Variants in PIEZO2 observed in about 807,000 individuals in gnomAD.
PIEZO2 encodes the protein piezo type mechanosensitive ion channel component 2, also known as piezo-type mechanosensitive ion channel component 2.
PIEZO2 carries 172 observed loss-of-function variants against 337.3 expected under a neutral mutation model. The observed-to-expected ratio is 0.51, with a 90% CI of 0.45 to 0.58. The LOEUF (loss-of-function observed/expected upper bound fraction) is 0.58. Ranked by LOEUF, PIEZO2 falls within the 20% of genes least tolerant of loss-of-function variation. The pLI, the probability that PIEZO2 is intolerant of heterozygous loss-of-function variation, is 0.00. For synonymous variants in PIEZO2, 1,251 were observed against 1,228.5 expected (o/e 1.02, Z -0.38); for missense variants, 3,028 against 3,391.3 (o/e 0.89, Z 2.66).
intron 1 of PIEZO2, among the ~76,000 whole-genome samples, chr18:11,085,704 G>T (rs2038883763): frequency 1.3e-5 from 2 of 152,218 alleles, no homozygotes; most frequent in Middle Eastern, 3.4e-3. Context: ...TATTAAGGCT[G>T]CAATTTCCTA....
chr18:10,680,179 C>G lies in PIEZO2; in HGVS notation c.7952+20G>C. On this transcript the variant is annotated intron_variant, in intron 52 of 55. Transcript: ENST00000674853. ...AGACTGGGGAAAGGGATAAATTATA[C>G]ATGGAAATACAGTAACTACCTCTGA... 1 of 1,582,728 alleles carries G rather than the reference C, an allele frequency of 6.3e-7. No individual in the cohort carries two copies. Among genetic ancestry groups the G allele is most frequent in the Non-Finnish European group, 8.6e-7 (1 of 1,159,598 alleles).
chr18:10,766,677 C>A lies in PIEZO2; in HGVS notation c.2946+3471G>T, dbSNP rs1018364125. Among the ~76,000 whole-genome samples, 1 of 152,150 alleles carries A rather than the reference C, an allele frequency of 6.6e-6. No individual in the cohort carries two copies. The highest frequency in any genetic ancestry group is 2.4e-5 in the African/African-American group (1 of 41,426). On this transcript the variant is annotated intron_variant, in intron 21 of 55. Transcript: ENST00000674853. This position sits in a 1 kb window ranked among gnomAD's most constrained non-coding sequence, Gnocchi z 6.1. The stretch of plus-strand genomic sequence containing the variant: ...GCAACTATCACCTCCAGGCTGCAAC[C>A]GCCTGCAAGAGATACTCCTCCCTGT...
At chr18:11,010,400 A>G (rs2035854730) in intron 2 of PIEZO2, among the ~76,000 whole-genome samples, 2 of 152,278 alleles carry the variant, frequency 1.3e-5, no homozygotes, top group African/African-American at 4.8e-5. Flanking sequence ...AGTGTAACGC[A>G]CTGTACAAAA....
intron 1 of PIEZO2, among the ~76,000 whole-genome samples, chr18:11,072,832 C>CAGT (rs2145944744): frequency 6.6e-6 from 1 of 152,212 alleles, no homozygotes; most frequent in Admixed American, 6.5e-5. Flanking sequence ...GTCAAGGGCT[C>CAGT]AGTAAGGTCA....
intron 54 of PIEZO2, among the ~76,000 whole-genome samples, chr18:10,674,849 A>T (rs1180166578): frequency 1.3e-5 from 2 of 152,176 alleles, no homozygotes; most frequent in Admixed American, 1.3e-4. Flanking sequence ...CTATATTTTT[A>T]CTGTTCTTAT....
At chr18:10,910,095 TACAGAG>T (rs1242747288) in intron 4 of PIEZO2, among the ~76,000 whole-genome samples, 1 of 152,224 alleles carries the variant, frequency 6.6e-6, no homozygotes, top group Non-Finnish European at 1.5e-5. Flanking sequence ...GCTTCATCAA[TACAGAG>T]ACAAACACAT....
In PIEZO2 at chr18:10,767,168, G is replaced by A. The variant is rs912861407; in HGVS notation, c.2946+2980C>T. 2.0e-5 allele frequency among the ~76,000 whole-genome samples: 3 copies of A among 152,160 alleles called. No homozygotes were observed. Among genetic ancestry groups the A allele is most frequent in the Admixed American group, 2.0e-4 (3 of 15,276 alleles). On this transcript the variant is annotated intron_variant, in intron 21 of 55. Coordinates refer to ENST00000674853, the MANE Select transcript of PIEZO2 (RefSeq NM_001378183.1). This position sits in a 1 kb window ranked among gnomAD's most constrained non-coding sequence, Gnocchi z 4.2. ...TAGAAAGTAGCTGTGTATTTCAAAA[G>A]GAGGAGAAAATGTTTATGTATACTA...
chr18:10,711,812 T>A (rs4797471), intron 39 of PIEZO2, among the ~76,000 whole-genome samples: 44,064 of 149,412 alleles, frequency 0.29, 6,541 homozygotes, highest in East Asian at 0.4. Flanking sequence ...CAGTTGAATA[T>A]GATCATGACT....
At chr18:10,738,605 C>T (rs997277987) in intron 33 of PIEZO2, 15 of 152,194 alleles carry the variant, frequency 9.9e-5, no homozygotes, top group Admixed American at 9.8e-4. Flanking sequence ...CTCTTACACA[C>T]GTGTTTGTTA....
chr18:11,136,988 T>G (rs1417547318), intron 1 of PIEZO2, among the ~76,000 whole-genome samples: 5 of 152,228 alleles, frequency 3.3e-5, no homozygotes, highest in Non-Finnish European at 7.3e-5. Flanking sequence ...AAGGCATGTC[T>G]AGTAATAAGC....
chr18:10,805,136 G>A (rs2039957510), intron 8 of PIEZO2, among the ~76,000 whole-genome samples: 1 of 152,160 alleles, frequency 6.6e-6, no homozygotes, highest in South Asian at 2.1e-4. Flanking sequence ...GAGATGACAT[G>A]GGATATCCCA....
intron 4 of PIEZO2, among the ~76,000 whole-genome samples, chr18:10,907,497 T>C (rs2030062192): frequency 6.6e-6 from 1 of 151,646 alleles, no homozygotes; most frequent in South Asian, 2.1e-4. Flanking sequence ...ATGAAAGCAC[T>C]GTGAGAATGC....
intron 20 of PIEZO2, among the ~76,000 whole-genome samples, chr18:10,770,720 TCCCA>T (rs2038567794): frequency 1.3e-5 from 1 of 76,108 alleles, no homozygotes; most frequent in African/African-American, 5.2e-5. Context: ...TCTTTTTCCC[TCCCA>T]CCCTCCCTCC....
chr18:11,012,687 A>G (rs1197403957), intron 2 of PIEZO2, among the ~76,000 whole-genome samples: 2 of 152,330 alleles, frequency 1.3e-5, no homozygotes, highest in East Asian at 3.9e-4. Flanking sequence ...CTGTAAACCA[A>G]TGTAACAGTT....
At chr18:11,085,497 A>G (rs2038879253) in intron 1 of PIEZO2, among the ~76,000 whole-genome samples, 1 of 152,044 alleles carries the variant, frequency 6.6e-6, no homozygotes, top group Non-Finnish European at 1.5e-5. Flanking sequence ...CTCCAAGCCC[A>G]TTTGCTGACC....
At position 11,038,410 on chromosome 18, in the gene PIEZO2, T is replaced by C. The variant is rs991190963; in HGVS notation, c.160+27717A>G. Among the ~76,000 whole-genome samples, 1 of 152,176 alleles carries C rather than the reference T, an allele frequency of 6.6e-6. No homozygotes were observed. The highest frequency in any genetic ancestry group is 1.5e-5 in the Non-Finnish European group (1 of 68,030). Reference sequence around the variant, plus strand: ...GGAAATTAAAAGGTAACCATTCCCATGCCAAGTGTAAGCCGGAGGCCCTTA... The same window carrying C: ...GGAAATTAAAAGGTAACCATTCCCACGCCAAGTGTAAGCCGGAGGCCCTTA... On this transcript the variant is annotated intron_variant, in intron 2 of 55. Coordinates refer to ENST00000674853, the MANE Select transcript of PIEZO2 (RefSeq NM_001378183.1). This position sits in a 1 kb window ranked among gnomAD's most constrained non-coding sequence, Gnocchi z 4.1.
At chr18:11,053,049 C>A (rs113642598) in intron 2 of PIEZO2, among the ~76,000 whole-genome samples, 70 of 152,310 alleles carry the variant, frequency 4.6e-4, no homozygotes, top group African/African-American at 1.6e-3. Flanking sequence ...CCTGGGTGTC[C>A]TGCAGCTTGC....
At chr18:11,054,366 A>G (rs1431973357) in intron 2 of PIEZO2, among the ~76,000 whole-genome samples, 1 of 152,246 alleles carries the variant, frequency 6.6e-6, no homozygotes, top group Non-Finnish European at 1.5e-5. Context: ...GCTGCATGCA[A>G]TAACTATTCT....
chr18:11,083,949 G>A lies in PIEZO2; in HGVS notation c.65-17727C>T, dbSNP rs2038833233. The stretch of plus-strand genomic sequence containing the variant: ...CCCAGCACTTTGGGAGGCCAAGGCG[G>A]GCTGACCAACTGAGGTCAGGAGTTC... On this transcript the variant is annotated intron_variant, in intron 1 of 55. Coordinates refer to ENST00000674853, the MANE Select transcript of PIEZO2 (RefSeq NM_001378183.1). The surrounding 1 kb of genome is among the most constrained non-coding windows in gnomAD (Gnocchi z 4.4). Among the ~76,000 whole-genome samples the A allele has an allele frequency of 1.3e-5, 2 of 152,100 alleles. No individual in the cohort carries two copies. Among genetic ancestry groups the A allele is most frequent in the Non-Finnish European group, 2.9e-5 (2 of 68,018 alleles).
Sources: gnomAD v4.1 joint callset for allele counts (sites outside exome capture counted in the v4.1 genomes callset) on GRCh38, gnomAD v4.1.1 for gene constraint, Gnocchi (gnomAD v3.1) non-coding constraint, MANE v1.5 for transcripts, NCBI Gene and HGNC (gene_info 2026-07-23, HGNC 2026-07-21) for gene names.